BCAS4: variants seen among roughly 807,000 people sequenced by gnomAD.
BCAS4 encodes the protein breast carcinoma amplified sequence 4, also known as breast carcinoma-amplified sequence 4.
BCAS4 carries 9 observed loss-of-function variants against 15.7 expected under a neutral mutation model. The ratio of observed to expected loss-of-function variants is 0.57; its 90% confidence interval spans 0.34 to 1.00. BCAS4 has a LOEUF of 1.00. Among genes scored for constraint, BCAS4 ranks in the 50% least tolerant of loss-of-function variants. The pLI, the probability that BCAS4 is intolerant of heterozygous loss-of-function variation, is 0.02. For synonymous variants in BCAS4, 101 were observed against 99.5 expected, an observed-to-expected ratio of 1.02 and a Z score of -0.09; for missense variants, 225 against 239.1, an observed-to-expected ratio of 0.94 and a Z score of 0.39.
At chr20:50,859,266 T>C (rs1008425677) in intron 4 of BCAS4, among the ~76,000 whole-genome samples, 6 of 152,184 alleles carry the variant, frequency 3.9e-5, no homozygotes, top group Non-Finnish European at 7.3e-5. Flanking sequence ...TTTTGATTCA[T>C]GTTGGTTGAA....
At chr20:50,850,991 CT>C (rs1298630834) in intron 4 of BCAS4, among the ~76,000 whole-genome samples, 1 of 152,112 alleles carries the variant, frequency 6.6e-6, no homozygotes, top group African/African-American at 2.4e-5. Flanking sequence ...CAGTGCCAGG[CT>C]CAGCGTGCTC....
rs187447094 is a variant in BCAS4 at position 50,847,500 on chromosome 20, A to G, written c.399+5600A>G. Among the ~76,000 whole-genome samples, 521 of 152,334 alleles carry G rather than the reference A, an allele frequency of 3.4e-3. 2 individuals are homozygous for G. The highest frequency in any genetic ancestry group is 0.012 in the African/African-American group (497 of 41,576). ...CTGACAGAGCCAGCCCTGCTGTGCC[A>G]GGCACTGTTTTCAGCTTGTCAATCC... On this transcript the variant is annotated intron_variant, in intron 4 of 4. Transcript: ENST00000371608.
chr20:50,862,029 A>G (rs1470554022), intron 4 of BCAS4, among the ~76,000 whole-genome samples: 1 of 150,482 alleles, frequency 6.6e-6, no homozygotes, highest in Non-Finnish European at 1.5e-5. Flanking sequence ...AATTTATTTT[A>G]TTTTTTATTT....
At chr20:50,823,315 C>T (rs564755660) in intron 2 of BCAS4, among the ~76,000 whole-genome samples, 2 of 151,712 alleles carry the variant, frequency 1.3e-5, no homozygotes, top group African/African-American at 2.4e-5. Flanking sequence ...ACTCCAGCCT[C>T]GGTGACAGAG....
intron 1 of BCAS4, among the ~76,000 whole-genome samples, chr20:50,804,951 G>A (rs1028508052): frequency 1.3e-5 from 2 of 152,068 alleles, no homozygotes; most frequent in Non-Finnish European, 2.9e-5. Context: ...CCTGGCTTCC[G>A]GGATCTTTCA....
intron 1 of BCAS4, among the ~76,000 whole-genome samples, chr20:50,810,251 G>A (rs1192674291): frequency 3.3e-5 from 5 of 151,694 alleles, no homozygotes; most frequent in South Asian, 2.1e-4. Context: ...GAGGTCTCTC[G>A]AGGCCTAGAC....
At chr20:50,875,815 C>T (rs1221967357) in intron 4 of BCAS4, among the ~76,000 whole-genome samples, 2 of 152,032 alleles carry the variant, frequency 1.3e-5, no homozygotes, top group Non-Finnish European at 2.9e-5. Context: ...TGCCACCAAC[C>T]ACAGCCACTG....
At chr20:50,845,040 G>C (rs2088526857) in intron 4 of BCAS4, among the ~76,000 whole-genome samples, 1 of 152,162 alleles carries the variant, frequency 6.6e-6, no homozygotes, top group Non-Finnish European at 1.5e-5. Flanking sequence ...AGGGGCCCTT[G>C]CAGAATGATG....
chr20:50,869,431 C>G lies in BCAS4; in HGVS notation c.400-7055C>G, dbSNP rs142728751. On this transcript the variant is annotated intron_variant, in intron 4 of 4. Transcript: ENST00000371608. The stretch of plus-strand genomic sequence containing the variant: ...TACAGGTACAGTGTGTCCACCCCCC[C>G]TTTTGGGGTGGAGGATGCTGGGCCC... 2.2e-3 allele frequency among the ~76,000 whole-genome samples: 329 copies of G among 152,306 alleles called. 2 individuals carry two copies. Among genetic ancestry groups the G allele is most frequent in the African/African-American group, 4.1e-3 (170 of 41,572 alleles).
At chr20:50,869,409 A>G (rs2870020) in intron 4 of BCAS4, among the ~76,000 whole-genome samples, 41,202 of 152,080 alleles carry the variant, frequency 0.27, 8,817 homozygotes, top group African/African-American at 0.6. Context: ...CTGTGAGTAC[A>G]GGTACAGTGT....
chr20:50,827,762 T>C (rs1195857627), intron 2 of BCAS4, among the ~76,000 whole-genome samples: 3 of 152,224 alleles, frequency 2.0e-5, no homozygotes, highest in Non-Finnish European at 4.4e-5. Flanking sequence ...GGTCTTGCAC[T>C]GTCGCCCGGG....
rs146297010 is a variant in BCAS4 at position 50,804,936 on chromosome 20, T to A, written c.90+9763T>A. ...ACGCTACTCAGAGAATCACCTCATT[T>A]GCTCCCTGGCTTCCGGGATCTTTCA... On this transcript the variant is annotated intron_variant, in intron 1 of 4. Transcript: ENST00000371608. Among the ~76,000 whole-genome samples, 865 of 152,304 alleles carry A rather than the reference T, an allele frequency of 5.7e-3. 3 individuals carry two copies. Among genetic ancestry groups the A allele is most frequent in the African/African-American group, 0.015 (639 of 41,564 alleles).
upstream of BCAS4, chr20:50,795,048 G>A: frequency 2.7e-6 from 4 of 1,470,908 alleles, no homozygotes; most frequent in Non-Finnish European, 3.6e-6. Context: ...CGGGCTCCCA[G>A]GCAGCCTCCG....
At chr20:50,844,835 C>T (rs1198822975) in intron 4 of BCAS4, among the ~76,000 whole-genome samples, 1 of 152,180 alleles carries the variant, frequency 6.6e-6, no homozygotes, top group Non-Finnish European at 1.5e-5. Flanking sequence ...TGGAGAGCCC[C>T]CTAGACCTAC....
At chr20:50,809,883 T>A (rs2088039998) in intron 1 of BCAS4, among the ~76,000 whole-genome samples, 2 of 152,172 alleles carry the variant, frequency 1.3e-5, no homozygotes, top group South Asian at 4.1e-4. Context: ...AGAAGTTGAG[T>A]TCTTGATTTG....
intron 1 of BCAS4, among the ~76,000 whole-genome samples, chr20:50,806,423 T>G (rs1339078080): frequency 6.6e-6 from 1 of 152,254 alleles, no homozygotes; most frequent in Non-Finnish European, 1.5e-5. Flanking sequence ...TCATGAGCAC[T>G]GTATTGATTA....
At chr20:50,874,992 T>G (rs1035113854) in intron 4 of BCAS4, among the ~76,000 whole-genome samples, 1 of 152,166 alleles carries the variant, frequency 6.6e-6, no homozygotes, top group Non-Finnish European at 1.5e-5. Flanking sequence ...CCATGCATCC[T>G]TGCTCATCTC....
At chr20:50,799,067 C>T (rs921439869) in intron 1 of BCAS4, among the ~76,000 whole-genome samples, 12 of 152,172 alleles carry the variant, frequency 7.9e-5, no homozygotes, top group Non-Finnish European at 1.8e-4. Context: ...CAGGCACAGA[C>T]ATTTAGGTTG....
intron 1 of BCAS4, among the ~76,000 whole-genome samples, chr20:50,806,814 C>G (rs1467609493): frequency 6.6e-6 from 1 of 150,984 alleles, no homozygotes; most frequent in African/African-American, 2.4e-5. Flanking sequence ...AATGGGCTGT[C>G]CATCCCCTCA....
Sources: allele counts gnomAD v4.1 joint callset (sites outside exome capture counted in the v4.1 genomes callset), GRCh38; gene constraint gnomAD v4.1.1; transcripts MANE v1.5; gene names NCBI Gene and HGNC (gene_info 2026-07-23, HGNC 2026-07-21).